The following ASCC3 variants were observed in gnomAD, a reference collection of about 807,000 sequenced individuals.
ASCC3 encodes activating signal cointegrator 1 complex subunit 3.
In ASCC3, 158 loss-of-function variants were observed where a neutral mutation model predicts 256.3. The ratio of observed to expected loss-of-function variants is 0.62; its 90% CI spans 0.54 to 0.70. ASCC3 has a LOEUF of 0.70. ASCC3 is among the 30% of genes least tolerant of loss of function. The pLI, the probability that ASCC3 is intolerant of heterozygous loss-of-function variation, is 0.00. For synonymous variants in ASCC3, 948 were observed against 883.4 expected (o/e 1.07, Z -1.30); for missense variants, 2,259 against 2,626.0 (o/e 0.86, Z 3.05).
chr6:100,608,045 CATATACATATATACACATAT>C (rs1453468518), intron 30 of ASCC3, among the ~76,000 whole-genome samples: 5 of 51,328 alleles, frequency 9.7e-5, no homozygotes, highest in South Asian at 6.6e-4. Context: ...TATATACATA[CATATACATATATACACATAT>C]ATATACATAT....
At chr6:100,600,561 A>G (rs369036522) in intron 34 of ASCC3, among the ~76,000 whole-genome samples, 15 of 152,254 alleles carry the variant, frequency 9.9e-5, no homozygotes, top group African/African-American at 3.6e-4. Flanking sequence ...TCAAACTCCT[A>G]TCTAAGTAAG....
At chr6:100,855,831 T>C (rs1772916666) in intron 3 of ASCC3, among the ~76,000 whole-genome samples, 1 of 152,164 alleles carries the variant, frequency 6.6e-6, no homozygotes, top group African/African-American at 2.4e-5. Context: ...CTACTTAACA[T>C]CACAACAACT....
In ASCC3 at chr6:100,569,442, C is replaced by T. The variant is rs535789414; in HGVS notation, c.5550+20192G>A. ...TGTCGCCCAGGCTGGAGTGCAGTGG[C>T]GCAATCTTGGCTCCACTGCAAGCTC... On this transcript the variant is annotated intron_variant, in intron 36 of 41. Coordinates refer to ENST00000369162, the MANE Select transcript of ASCC3 (RefSeq NM_006828.4). Among the ~76,000 whole-genome samples, 29 of 151,922 alleles carry T rather than the reference C, an allele frequency of 1.9e-4. No individual in the cohort carries two copies. The East Asian group carries it at 4.1e-3, about 21-fold the overall frequency.
At chr6:100,838,506 A>G (rs1241365608) in intron 4 of ASCC3, among the ~76,000 whole-genome samples, 1 of 152,096 alleles carries the variant, frequency 6.6e-6, no homozygotes, top group Non-Finnish European at 1.5e-5. Context: ...AAGAATTTCT[A>G]TGCAAATTGT....
rs1482624538 is a variant in ASCC3, at chr6:100,881,315, G to A, written c.-296C>T. 1.3e-5 allele frequency: 2 copies of A among 152,436 alleles called. No homozygotes were observed. Among genetic ancestry groups the A allele is most frequent in the African/African-American group, 4.8e-5 (2 of 41,586 alleles). 9.4% of individuals were successfully genotyped at this position (152,436 alleles called of 1,614,324 possible). On this transcript the variant is annotated 5_prime_UTR_variant, in exon 1 of 42. Transcript: ENST00000369162. ...AGACGCAAAGACGCACAGACCCGGCGAGGAGGGACAGAGTGGAGCTGGCGC... is the reference window on the plus strand; with the variant it reads ...AGACGCAAAGACGCACAGACCCGGCAAGGAGGGACAGAGTGGAGCTGGCGC...
intron 13 of ASCC3, among the ~76,000 whole-genome samples, chr6:100,684,622 A>G (rs997865474): frequency 1.4e-4 from 16 of 116,650 alleles, no homozygotes; most frequent in African/African-American, 5.1e-4. Flanking sequence ...TACATTGACA[A>G]CTATGCACTT....
chr6:100,616,820 G>A (rs901552585), intron 30 of ASCC3, among the ~76,000 whole-genome samples: 1 of 152,186 alleles, frequency 6.6e-6, no homozygotes, highest in Non-Finnish European at 1.5e-5. Flanking sequence ...TTAACAGTGT[G>A]GCAGAAGAAA....
intron 10 of ASCC3, among the ~76,000 whole-genome samples, chr6:100,738,135 T>C (rs1780267643): frequency 6.6e-6 from 1 of 152,228 alleles, no homozygotes. Flanking sequence ...GTCAGATGGA[T>C]AGATTGAGAA....
At chr6:100,737,229 G>GT (rs10706134) in intron 10 of ASCC3, among the ~76,000 whole-genome samples, 9 of 147,970 alleles carry the variant, frequency 6.1e-5, no homozygotes, top group African/African-American at 2.0e-4. Context: ...AGGACTCAAA[G>GT]TTTTTTTTTT....
Position 100,646,725 on chromosome 6 carries a change from A to G in ASCC3, c.3523T>C (p.Cys1175Arg), listed in dbSNP as rs1356221297. 3 of 1,614,002 alleles carry G rather than the reference A, an allele frequency of 1.9e-6. No homozygotes were observed. The highest frequency in any genetic ancestry group is 1.7e-5 in the Admixed American group (1 of 60,016). Residue 1175 changes from cysteine to arginine, a missense_variant, in exon 22 of 42, where the codon TGT becomes CGT. Around this residue, in one of 2 missense-constraint regions of ASCC3, gnomAD observed 1,839 missense variants for 2,206.7 expected, o/e 0.83. Transcript: ENST00000369162. ...ATAACAGAAGGAATCTGATGAACAC[A>G]TTGTTTGACCTTCAGTCCAATATTC... The part of the protein sequence containing the change: ...HVNIGLKVKQ[C>R]VHQIPSVMME...
intron 3 of ASCC3, 93 bp downstream of exon 3, chr6:100,863,971 C>T (rs1773351934): frequency 4.3e-6 from 5 of 1,163,576 alleles, no homozygotes; most frequent in Non-Finnish European, 4.7e-6. Flanking sequence ...GAAATTTTAG[C>T]TTTCCTTTAC....
chr6:100,755,079 C>T (rs763635656), intron 10 of ASCC3, among the ~76,000 whole-genome samples: 25 of 151,812 alleles, frequency 1.6e-4, no homozygotes, highest in Non-Finnish European at 2.9e-4. Flanking sequence ...CGAGATCCCG[C>T]AAATAAGTGA....
chr6:100,599,819 T>C (rs1393136332), intron 34 of ASCC3, among the ~76,000 whole-genome samples: 2 of 152,140 alleles, frequency 1.3e-5, no homozygotes. Flanking sequence ...GACTAGGTTC[T>C]TATCTCTAAA....
intron 13 of ASCC3, among the ~76,000 whole-genome samples, chr6:100,699,709 T>A (rs1778262350): frequency 6.6e-6 from 1 of 152,074 alleles, no homozygotes; most frequent in African/African-American, 2.4e-5. Flanking sequence ...TGATAATGAT[T>A]TGGGCAATGA....
chr6:100,603,841 G>A (rs1288310073), intron 33 of ASCC3, among the ~76,000 whole-genome samples: 1 of 151,878 alleles, frequency 6.6e-6, no homozygotes, highest in Non-Finnish European at 1.5e-5. Flanking sequence ...ATTAACTATT[G>A]TTTGTTTAGA....
intron 8 of ASCC3, among the ~76,000 whole-genome samples, chr6:100,784,450 T>G (rs905396266): frequency 6.6e-6 from 1 of 152,080 alleles, no homozygotes; most frequent in African/African-American, 2.4e-5. Flanking sequence ...CAAAGATGCT[T>G]GCTTTAACAT....
At chr6:100,555,152 A>C (rs1408627596) in intron 36 of ASCC3, among the ~76,000 whole-genome samples, 1 of 152,134 alleles carries the variant, frequency 6.6e-6, no homozygotes, top group African/African-American at 2.4e-5. Context: ...CTATGTTAGA[A>C]AACATTTATT....
chr6:100,552,613 A>G (rs1769354454), intron 36 of ASCC3, among the ~76,000 whole-genome samples: 1 of 152,064 alleles, frequency 6.6e-6, no homozygotes, highest in Non-Finnish European at 1.5e-5. Context: ...AATGCTCACA[A>G]AAGTACATCA....
At chr6:100,588,900 T>G (rs1383352292) in intron 36 of ASCC3, among the ~76,000 whole-genome samples, 1 of 152,100 alleles carries the variant, frequency 6.6e-6, no homozygotes, top group Non-Finnish European at 1.5e-5. Flanking sequence ...TTCTTAACTT[T>G]TCTAAAAAGC....
Sources: gnomAD v4.1 joint callset for allele counts (sites outside exome capture counted in the v4.1 genomes callset) on GRCh38, gnomAD v4.1.1 for gene constraint, gnomAD v4.1.1 regional missense constraint, MANE v1.5 for transcripts, NCBI Gene and HGNC (gene_info 2026-07-23, HGNC 2026-07-21) for gene names.